The following TRPT1 variants were observed in gnomAD, a reference collection of about 807,000 sequenced individuals.
The protein encoded by TRPT1 is tRNA 2'-phosphotransferase 1.
TRPT1 carries 22 observed loss-of-function variants against 28.4 expected under a neutral mutation model. That is an observed-to-expected ratio of 0.78 (90% confidence interval 0.55 to 1.11). The LOEUF is 1.11. TRPT1 is among the 50% of genes least tolerant of loss of function. The pLI is 0.00. For missense variants in TRPT1, 308 were observed against 317.7 expected, an observed-to-expected ratio of 0.97 and a Z score of 0.23; for synonymous variants, 137 against 132.4, an observed-to-expected ratio of 1.03 and a Z score of -0.24.
intron 7 of TRPT1, 33 bp from the exon 8 acceptor site, chr11:64,224,000 A>G: frequency 6.3e-7 from 1 of 1,599,164 alleles, no homozygotes; most frequent in Middle Eastern, 1.7e-4. Context: ...AGAGAAAGGG[A>G]CACCTAAGTC....
At chr11:64,225,338 A>C (rs773881790) in intron 3 of TRPT1, 161 bp downstream of exon 3, 36 of 647,826 alleles carry the variant, frequency 5.6e-5, no homozygotes, top group Non-Finnish European at 8.8e-5. Flanking sequence ...TCTGCTGTGG[A>C]CATGACAGGG....
Position 64,224,951 on chromosome 11 carries a change from GC to G in TRPT1, c.176del (p.Gly59AlafsTer57). ...PMGADGFVPL[G>X]TLLQLPQFRG... ...GGAACTGGGGCAACTGCAGGAGGGT[GC>G]CCAGGGGCACGAAGCCATCTGTGGG... is the stretch of plus-strand genomic sequence containing the variant. On this transcript the variant is annotated frameshift_variant, in exon 4 of 8. Coordinates refer to ENST00000317459, the MANE Select transcript of TRPT1 (RefSeq NM_001033678.4). LOFTEE classifies it high-confidence loss of function. 6.4e-7 allele frequency: 1 copy of G among 1,565,274 alleles called. No individual in the cohort carries two copies. The highest frequency in any genetic ancestry group is 8.7e-7 in the Non-Finnish European group (1 of 1,155,244).
chr11:64,225,219 A>C, intron 3 of TRPT1: 1 of 608,558 alleles, frequency 1.6e-6, no homozygotes, highest in Non-Finnish European at 2.9e-6. Flanking sequence ...CACTCACACC[A>C]CCAGCTGCAC....
intron 3 of TRPT1, 176 bp downstream of exon 3, chr11:64,225,323 C>T (rs1946925258): frequency 3.2e-6 from 2 of 634,440 alleles, no homozygotes; most frequent in African/African-American, 1.8e-5. Flanking sequence ...AAGAACTCTC[C>T]TCAGTCTGCT....
In TRPT1 at chr11:64,224,269, C is replaced by A. The variant is rs375635773; in HGVS notation, c.559+16G>T. On this transcript the variant is annotated intron_variant, in intron 6 of 7. Coordinates refer to ENST00000317459, the MANE Select transcript of TRPT1 (RefSeq NM_001033678.4). ...TCCCCGAAGGCAAGGGCAGCTCCTG[C>A]TTTGTCCAGACTCACCTGCCAGAGC... 3.7e-6 allele frequency: 6 copies of A among 1,613,802 alleles called. No homozygotes were observed. In the African/African-American group the frequency reaches 6.7e-5, roughly 18 times the overall value.
chr11:64,224,826 C>T lies in TRPT1; in HGVS notation c.302G>A (p.Arg101Gln), dbSNP rs1946876621. Residue 101 changes from arginine (R) to glutamine (Q), a missense_variant, in exon 4 of 8, where the codon CGG (arginine) becomes CAG (glutamine). Transcript: ENST00000317459. The stretch of plus-strand genomic sequence containing the variant: ...CTGCAGGGAATGGCCCTGGTTGGCC[C>T]GGATGAGAAGGCCAGTGCTGGGATC... ...LGDPSTGLLI[R>Q]ANQGHSLQVP... 3 of 1,613,704 alleles carry T rather than the reference C, an allele frequency of 1.9e-6. No homozygotes were observed. Among genetic ancestry groups the T allele is most frequent in the Admixed American group, 3.3e-5 (2 of 59,994 alleles).
Position 64,224,097 on chromosome 11 carries a change from C to T in TRPT1, c.670+3G>A, listed in dbSNP as rs372630710. On this transcript the variant is annotated splice_donor_region_variant and intron_variant, in intron 7 of 7. Transcript: ENST00000317459. ...GAATAGGGGCTGGGGTGGTGGTTCT[C>T]ACGGGTAGGGCGTAGCTGCAGGGCC... 1.9e-6 allele frequency: 3 copies of T among 1,606,476 alleles called. No individual in the cohort carries two copies. Among genetic ancestry groups the T allele is most frequent in the African/African-American group, 2.7e-5 (2 of 74,840 alleles).
At chr11:64,224,517 A>G in intron 5 of TRPT1, 26 bp downstream of exon 5, 1 of 1,563,174 alleles carries the variant, frequency 6.4e-7, no homozygotes, top group Non-Finnish European at 8.7e-7. Flanking sequence ...GGGTGGGAGT[A>G]GCTAGGTGGA....
In TRPT1 at chr11:64,224,662, A is replaced by G; in HGVS notation, c.383T>C (p.Leu128Pro). Residue 128 changes from leucine (L) to proline (P), a missense_variant, in exon 5 of 8, where the codon CTA (leucine) becomes CCA (proline). Leu to Pro is a moderately conservative substitution (Grantham distance 98, BLOSUM62 -3). Transcript: ENST00000317459. ...LETPQALPPM[L>P]VHGTFWKHWP... ...GTGCTTCCAGAATGTACCATGGACT[A>G]GCATCGGGGGCAGGGCCTGCGGTGT... The G allele has an allele frequency of 1.2e-6, 2 of 1,606,804 alleles. No individual in the cohort carries two copies. The highest frequency in any genetic ancestry group is 1.3e-5 in the African/African-American group (1 of 74,966).
At position 64,224,533 on chromosome 11, in the gene TRPT1, G is replaced by A. The variant is rs540674977; in HGVS notation, c.502+10C>T. On this transcript the variant is annotated intron_variant, in intron 5 of 7. Coordinates refer to ENST00000317459, the MANE Select transcript of TRPT1 (RefSeq NM_001033678.4). ...GGTGGGAGTAGCTAGGTGGAGGGGA[G>A]GGCACTGACCACTGATGATACCGGG... The A allele has an allele frequency of 6.4e-7, 1 of 1,563,070 alleles. No homozygotes were observed. Among genetic ancestry groups the A allele is most frequent in the East Asian group, 2.3e-5 (1 of 44,380 alleles).
Position 64,224,644 on chromosome 11 carries a change from C to T in TRPT1, c.401G>A (p.Trp134Ter), listed in dbSNP as rs1467866588. The T allele has an allele frequency of 6.2e-7, 1 of 1,608,310 alleles. No homozygotes were observed. ...LPPMLVHGTF[W>*]KHWPSILLKG... Reference sequence around the variant, plus strand: ...GAGTAGGATGGATGGCCAGTGCTTCCAGAATGTACCATGGACTAGCATCGG... The same window carrying T: ...GAGTAGGATGGATGGCCAGTGCTTCTAGAATGTACCATGGACTAGCATCGG... The change falls in exon 5 of 8, where the codon TGG becomes TAG. Residue 134 changes from tryptophan (W) to a stop codon, truncating the protein, a stop_gained. Transcript: ENST00000317459. LOFTEE classifies it high-confidence loss of function.
chr11:64,225,448 G>T, intron 3 of TRPT1, 51 bp downstream of exon 3: 3 of 1,511,916 alleles, frequency 2.0e-6, no homozygotes, highest in Non-Finnish European at 2.7e-6. Context: ...TCGCAGACAG[G>T]CTCACGTTTC....
At position 64,226,045 on chromosome 11, in the gene TRPT1, C is replaced by T. The variant is rs1946998235; in HGVS notation, c.-10+5G>A. 1 of 587,552 alleles carries T rather than the reference C, an allele frequency of 1.7e-6. No individual in the cohort carries two copies. The highest frequency in any genetic ancestry group is 3.0e-6 in the Non-Finnish European group (1 of 332,222). 36.4% of individuals were successfully genotyped at this position (587,552 alleles called of 1,614,324 possible). A position where few individuals can be genotyped will look rare whatever the true frequency, so the allele number is the denominator to read the frequency against. ...GGAAACTAAGGCCCAGCAGGCCAGACTTGCCCAAGGTCACACGGTCAGCCA... is the reference window on the plus strand; with the variant it reads ...GGAAACTAAGGCCCAGCAGGCCAGATTTGCCCAAGGTCACACGGTCAGCCA... On this transcript the variant is annotated splice_donor_5th_base_variant and intron_variant, in intron 1 of 7. Transcript: ENST00000317459.
upstream of TRPT1, chr11:64,226,250 G>T (rs974822255): frequency 8.6e-6 from 4 of 467,774 alleles, no homozygotes; most frequent in African/African-American, 8.1e-5. Context: ...AAGGGGGCGG[G>T]CACTTCCGCT....
At chr11:64,225,312 C>G (rs1050735604) in intron 3 of TRPT1, 187 bp downstream of exon 3, 29 of 626,978 alleles carry the variant, frequency 4.6e-5, no homozygotes, top group African/African-American at 4.6e-4. Flanking sequence ...CTGGCCCAGA[C>G]AAGAACTCTC....
In TRPT1 at chr11:64,223,946, C is replaced by T. The variant is rs772285722; in HGVS notation, c.692G>A (p.Gly231Asp). Reference sequence around the variant, plus strand: ...ACTCTGACACTCTGTCTCTTCATCACCAGCCAAGGAAAGGGGCTTTCCTGA... The same window carrying T: ...ACTCTGACACTCTGTCTCTTCATCATCAGCCAAGGAAAGGGGCTTTCCTGA... The part of the protein sequence containing the change: ...RPTRKPLSLA[G>D]DEETECQSSP... The change falls in exon 8 of 8, where the codon GGT becomes GAT. Residue 231 changes from glycine to aspartate, a missense_variant. Physicochemically the swap from Gly to Asp is moderately conservative, Grantham distance 94. Transcript: ENST00000317459. The T allele has an allele frequency of 6.2e-7, 1 of 1,613,964 alleles. No homozygotes were observed.
chr11:64,224,370 G>A lies in TRPT1; in HGVS notation c.503-29C>T, dbSNP rs768200879. 3.7e-6 allele frequency: 6 copies of A among 1,612,952 alleles called. No homozygotes were observed. The African/African-American group carries it at 5.3e-5, about 14-fold the overall frequency. On this transcript the variant is annotated intron_variant, in intron 5 of 7. Coordinates refer to ENST00000317459, the MANE Select transcript of TRPT1 (RefSeq NM_001033678.4). ...CAGAGACAGCTGGAGCTGAGGCCTG[G>A]GCACCTGGAGTGCAGTCAGCAACCT...
chr11:64,224,273 G>A lies in TRPT1; in HGVS notation c.559+12C>T, dbSNP rs779896703. 1.1e-5 allele frequency: 17 copies of A among 1,613,782 alleles called. No individual in the cohort carries two copies. The highest frequency in any genetic ancestry group is 1.4e-5 in the Non-Finnish European group (16 of 1,180,032). Reference sequence around the variant, plus strand: ...CGAAGGCAAGGGCAGCTCCTGCTTTGTCCAGACTCACCTGCCAGAGCCAGG... The same window carrying A: ...CGAAGGCAAGGGCAGCTCCTGCTTTATCCAGACTCACCTGCCAGAGCCAGG... On this transcript the variant is annotated intron_variant, in intron 6 of 7. Coordinates refer to ENST00000317459, the MANE Select transcript of TRPT1 (RefSeq NM_001033678.4).
Position 64,224,329 on chromosome 11 carries a change from T to A in TRPT1, c.515A>T (p.His172Leu), listed in dbSNP as rs1059440. 6.2e-7 allele frequency: 1 copy of A among 1,613,642 alleles called. No homozygotes were observed. The highest frequency in any genetic ancestry group is 8.5e-7 in the Non-Finnish European group (1 of 1,179,994). The change falls in exon 6 of 8, where the codon CAT becomes CTT. Residue 172 changes from histidine to leucine, a missense_variant. Coordinates refer to ENST00000317459, the MANE Select transcript of TRPT1 (RefSeq NM_001033678.4). The part of the protein sequence containing the change: ...DPGIISGMRS[H>L]CEIAVFIDGP... ...ATCGATGAACACAGCTATTTCACAATGGGACCGCATGCCTGCAGAGACAGC... is the reference window on the plus strand; with the variant it reads ...ATCGATGAACACAGCTATTTCACAAAGGGACCGCATGCCTGCAGAGACAGC...
Sources: gnomAD v4.1 joint callset for allele counts on GRCh38, gnomAD v4.1.1 for gene constraint, MANE v1.5 for transcripts, NCBI Gene and HGNC (gene_info 2026-07-23, HGNC 2026-07-21) for gene names.